MYLK: variants seen among roughly 807,000 people sequenced by gnomAD.
MYLK encodes myosin light chain kinase, smooth muscle.
MYLK carries 106 observed loss-of-function variants against 203.4 expected under a neutral mutation model. That is an observed-to-expected ratio of 0.52 (90% CI 0.45 to 0.61). The LOEUF (loss-of-function observed/expected upper bound fraction) is 0.61, where lower values mean the gene tolerates loss of function less well. Among genes scored for constraint, MYLK ranks in the 20% least tolerant of loss-of-function variants. MYLK has a pLI of 0.00. For synonymous variants in MYLK, 867 were observed against 959.5 expected (o/e 0.90, Z 1.78); for missense variants, 2,072 against 2,442.3 (o/e 0.85, Z 3.20).
intron 19 of MYLK, among the ~76,000 whole-genome samples, chr3:123,690,946 A>T (rs1247757968): frequency 6.6e-6 from 1 of 152,110 alleles, no homozygotes; most frequent in Non-Finnish European, 1.5e-5. Context: ...TTTAAGTTGC[A>T]GAATGAATTC....
In MYLK at chr3:123,700,765, CAGG is replaced by C; in HGVS notation, c.2700_2702del (p.Leu901del). On this transcript the variant is annotated inframe_deletion, in exon 18 of 34. Coordinates refer to ENST00000360304, the MANE Select transcript of MYLK (RefSeq NM_053025.4). ...GGGTCTTTGTACTCACCTTCTTCCC[CAGG>C]AGGTCTCGGAAGTCCAGCTGCTCCA... 2.5e-6 allele frequency: 4 copies of C among 1,614,226 alleles called. 1 individual carries two copies. The Admixed American group carries it at 5.0e-5, about 20-fold the overall frequency.
At chr3:123,828,464 T>C (rs2066210876) in intron 3 of MYLK, among the ~76,000 whole-genome samples, 1 of 151,958 alleles carries the variant, frequency 6.6e-6, no homozygotes, top group South Asian at 2.1e-4. Flanking sequence ...TCAAAATGGA[T>C]CAAAGACCTA....
chr3:123,627,534 G>T (rs957825439), intron 30 of MYLK, among the ~76,000 whole-genome samples: 1 of 152,148 alleles, frequency 6.6e-6, no homozygotes, highest in East Asian at 1.9e-4. Flanking sequence ...GAAAGCTCTG[G>T]GGATCTAGAA....
intron 3 of MYLK, among the ~76,000 whole-genome samples, chr3:123,812,791 GCTGT>G (rs1220941273): frequency 1.3e-5 from 2 of 152,210 alleles, no homozygotes; most frequent in South Asian, 4.1e-4. Flanking sequence ...CTGAGCTGAG[GCTGT>G]CTGTGAGGAG....
intron 4 of MYLK, among the ~76,000 whole-genome samples, chr3:123,760,306 G>A (rs1191984733): frequency 1.3e-5 from 2 of 152,142 alleles, no homozygotes; most frequent in Admixed American, 6.5e-5. Flanking sequence ...AGCCTCCCGA[G>A]TAGCTGGGAT....
At chr3:123,838,129 A>C (rs138053228) in intron 2 of MYLK, among the ~76,000 whole-genome samples, 2 of 152,306 alleles carry the variant, frequency 1.3e-5, no homozygotes, top group East Asian at 3.9e-4. Context: ...CTAGGCATAT[A>C]ATCTTCAAGT....
rs142858503 is a variant in MYLK, at chr3:123,674,468, G to A, written c.3653-7281C>T. On this transcript the variant is annotated intron_variant, in intron 20 of 33. Coordinates refer to ENST00000360304, the MANE Select transcript of MYLK (RefSeq NM_053025.4). Reference sequence around the variant, plus strand: ...GATCAAATTCAACTCATCTTACGAGGTCTTTGAGCTCTGTCCCTGGCTTTC... The same window carrying A: ...GATCAAATTCAACTCATCTTACGAGATCTTTGAGCTCTGTCCCTGGCTTTC... Among the ~76,000 whole-genome samples, 76 of 152,304 alleles carry A rather than the reference G, an allele frequency of 5.0e-4. 1 individual carries two copies. Among genetic ancestry groups the A allele is most frequent in the Admixed American group, 3.5e-3 (54 of 15,304 alleles).
intron 11 of MYLK, among the ~76,000 whole-genome samples, chr3:123,731,313 C>T (rs2062466585): frequency 6.6e-6 from 1 of 152,194 alleles, no homozygotes; most frequent in African/African-American, 2.4e-5. Flanking sequence ...GTAAGATGCC[C>T]CATTCCTTCC....
At chr3:123,813,595 C>T (rs1022503053) in intron 3 of MYLK, among the ~76,000 whole-genome samples, 1 of 152,080 alleles carries the variant, frequency 6.6e-6, no homozygotes, top group African/African-American at 2.4e-5. Context: ...ACTGCAACCT[C>T]TGCCTCCCGG....
chr3:123,702,575 T>C (rs1161138254), intron 16 of MYLK, among the ~76,000 whole-genome samples: 1 of 152,174 alleles, frequency 6.6e-6, no homozygotes, highest in African/African-American at 2.4e-5. Context: ...TCAGACCCAA[T>C]AGCAGATGTG....
At chr3:123,803,454 C>A (rs577504695) in intron 3 of MYLK, among the ~76,000 whole-genome samples, 3 of 152,186 alleles carry the variant, frequency 2.0e-5, no homozygotes, top group African/African-American at 7.2e-5. Context: ...TATTGTGGTG[C>A]TGCCACCCAA....
intron 20 of MYLK, among the ~76,000 whole-genome samples, chr3:123,676,795 T>C (rs1179742834): frequency 2.6e-5 from 4 of 152,142 alleles, no homozygotes; most frequent in African/African-American, 7.2e-5. Flanking sequence ...GCTAATGAAG[T>C]TTTGGAGATG....
At chr3:123,856,192 G>A (rs1246335806) in intron 2 of MYLK, among the ~76,000 whole-genome samples, 1 of 152,174 alleles carries the variant, frequency 6.6e-6, no homozygotes, top group East Asian at 1.9e-4. Context: ...CACTTCAGTA[G>A]TTTTTCTTCC....
intron 4 of MYLK, among the ~76,000 whole-genome samples, chr3:123,791,692 T>C (rs182573133): frequency 8.5e-5 from 13 of 152,352 alleles, no homozygotes; most frequent in Admixed American, 5.2e-4. Context: ...TTTTGACATA[T>C]AGTCCACATG....
intron 13 of MYLK, among the ~76,000 whole-genome samples, chr3:123,710,670 T>G (rs1386669195): frequency 6.6e-6 from 1 of 152,242 alleles, no homozygotes; most frequent in Admixed American, 6.5e-5. Flanking sequence ...TGGCAGTTTC[T>G]TAAAAAGTTA....
At chr3:123,714,803 T>A (rs1260756499) in intron 13 of MYLK, among the ~76,000 whole-genome samples, 1 of 152,180 alleles carries the variant, frequency 6.6e-6, no homozygotes, top group African/African-American at 2.4e-5. Flanking sequence ...ACTCAGTCAT[T>A]AAACTGCCAC....
chr3:123,618,737 G>A lies in MYLK; in HGVS notation c.5402C>T (p.Ala1801Val), dbSNP rs758144812. The change falls in exon 33 of 34, where the codon GCT becomes GTT. Residue 1801 changes from alanine (A) to valine (V), a missense_variant. Physicochemically the swap from Ala to Val is moderately conservative, Grantham distance 64. Around this residue, in one of 3 missense-constraint regions of MYLK, gnomAD observed 524 missense variants for 782.4 expected, o/e 0.67. Transcript: ENST00000360304. Reference protein sequence around the residue: ...DVSQAFLEAVAEEKPHVKPYF... With the variant: ...DVSQAFLEAVVEEKPHVKPYF... ...GGGTTTTACATGAGGCTTTTCCTCA[G>A]CAACAGCCTCAAGGAAAGCTTGGGA... 7.4e-6 allele frequency: 12 copies of A among 1,614,058 alleles called. No individual in the cohort carries two copies. Among genetic ancestry groups the A allele is most frequent in the African/African-American group, 1.3e-5 (1 of 74,926 alleles).
chr3:123,753,743 T>C (rs1342601506), intron 4 of MYLK, among the ~76,000 whole-genome samples: 2 of 152,202 alleles, frequency 1.3e-5, no homozygotes, highest in East Asian at 1.9e-4. Context: ...GGCTCACTAA[T>C]GCACAGCCAA....
Position 123,629,711 on chromosome 3 carries a change from G to A in MYLK, c.4962-85C>T. On this transcript the variant is annotated intron_variant, in intron 29 of 33. Transcript: ENST00000360304. This position sits in a 1 kb window ranked among gnomAD's most constrained non-coding sequence, Gnocchi z 4.4. Reference sequence around the variant, plus strand: ...GTGGTAACTGAGGTCAAAGGCGAGGGTCGGCCAGCCTCCCCACCCCCAAAC... The same window carrying A: ...GTGGTAACTGAGGTCAAAGGCGAGGATCGGCCAGCCTCCCCACCCCCAAAC... 1.3e-6 allele frequency: 2 copies of A among 1,492,522 alleles called. No individual in the cohort carries two copies. The highest frequency in any genetic ancestry group is 2.3e-5 in the South Asian group (2 of 87,470). 92.5% of individuals were successfully genotyped at this position (1,492,522 alleles called of 1,614,324 possible). A position where few individuals can be genotyped will look rare whatever the true frequency, so the allele number is the denominator to read the frequency against.
Sources: allele counts gnomAD v4.1 joint callset (sites outside exome capture counted in the v4.1 genomes callset), GRCh38; gene constraint gnomAD v4.1.1; regional missense constraint gnomAD v4.1.1; non-coding constraint Gnocchi (gnomAD v3.1); transcripts MANE v1.5; gene names NCBI Gene and HGNC (gene_info 2026-07-23, HGNC 2026-07-21).